PALLD: variants seen among roughly 807,000 people sequenced by gnomAD.
PALLD encodes palladin.
A neutral mutation model predicts 123.5 loss-of-function variants in PALLD; 61 were observed. The ratio of observed to expected loss-of-function variants is 0.49; its 90% CI spans 0.40 to 0.61. PALLD has a LOEUF of 0.61. Among genes scored for constraint, PALLD ranks in the 20% least tolerant of loss-of-function variants. The probability of loss-of-function intolerance (pLI) is 0.00; values close to 1 mark genes in which losing one functional copy is unlikely to be tolerated. For synonymous variants in PALLD, 465 were observed against 496.4 expected, an observed-to-expected ratio of 0.94 and a Z score of 0.84; for missense variants, 1,273 against 1,377.0, an observed-to-expected ratio of 0.92 and a Z score of 1.20.
At chr4:168,525,455 G>C (rs932171911) in intron 2 of PALLD, among the ~76,000 whole-genome samples, 2 of 152,164 alleles carry the variant, frequency 1.3e-5, no homozygotes, top group African/African-American at 4.8e-5. Flanking sequence ...AGTGTATCTA[G>C]GTGTTAGGTG....
At chr4:168,762,679 A>G (rs570698487) in intron 10 of PALLD, among the ~76,000 whole-genome samples, 6 of 152,228 alleles carry the variant, frequency 3.9e-5, no homozygotes, top group African/African-American at 9.6e-5. Context: ...TACTGGGTAT[A>G]TGCTCATTGG....
intron 10 of PALLD, among the ~76,000 whole-genome samples, chr4:168,737,403 A>G (rs567676242): frequency 2.5e-4 from 38 of 152,326 alleles, no homozygotes; most frequent in African/African-American, 8.4e-4. Context: ...TTCCAAGATT[A>G]AGGCACATTA....
intron 4 of PALLD, among the ~76,000 whole-genome samples, chr4:168,682,785 T>TAAG (rs1419276294): frequency 6.6e-6 from 1 of 152,178 alleles, no homozygotes; most frequent in South Asian, 2.1e-4. Context: ...GTACATTCTA[T>TAAG]AAGGTACATG....
intron 10 of PALLD, among the ~76,000 whole-genome samples, chr4:168,753,602 C>A (rs1480514630): frequency 4.6e-5 from 7 of 152,084 alleles, no homozygotes; most frequent in South Asian, 2.1e-4. Flanking sequence ...TGTGTCACTT[C>A]CAAGGCTGGG....
At chr4:168,670,456 G>A (rs191902610) in intron 3 of PALLD, among the ~76,000 whole-genome samples, 3 of 151,864 alleles carry the variant, frequency 2.0e-5, no homozygotes, top group African/African-American at 4.8e-5. Flanking sequence ...GGCGCGGGCC[G>A]GGCGCGGTGG....
chr4:168,573,773 C>T (rs747791159), intron 2 of PALLD, among the ~76,000 whole-genome samples: 15 of 152,036 alleles, frequency 9.9e-5, no homozygotes, highest in African/African-American at 1.4e-4. Context: ...CCCAATTATA[C>T]GAAGCTGCAT....
At chr4:168,728,722 A>G (rs1018506614) in intron 10 of PALLD, among the ~76,000 whole-genome samples, 11 of 151,890 alleles carry the variant, frequency 7.2e-5, no homozygotes, top group Non-Finnish European at 1.5e-5. Context: ...TTATTTTCCC[A>G]TAAGTTATTG....
intron 2 of PALLD, among the ~76,000 whole-genome samples, chr4:168,665,541 C>T (rs1005600008): frequency 9.2e-5 from 14 of 152,028 alleles, no homozygotes; most frequent in Admixed American, 2.0e-4. Context: ...CCAGCCTGGG[C>T]GAGACAGCGA....
At chr4:168,779,484 CAT>C (rs933832432) in intron 10 of PALLD, among the ~76,000 whole-genome samples, 6 of 150,890 alleles carry the variant, frequency 4.0e-5, no homozygotes, top group South Asian at 4.2e-4. Flanking sequence ...ATGTGAACAT[CAT>C]ATATATATAA....
At chr4:168,752,679 T>A (rs753739027) in intron 10 of PALLD, among the ~76,000 whole-genome samples, 4 of 152,216 alleles carry the variant, frequency 2.6e-5, no homozygotes, top group Non-Finnish European at 5.9e-5. Context: ...ATGATCCTGA[T>A]AACTATTCCA....
At chr4:168,732,498 A>G (rs1217695605) in intron 10 of PALLD, among the ~76,000 whole-genome samples, 1 of 152,196 alleles carries the variant, frequency 6.6e-6, no homozygotes, top group South Asian at 2.1e-4. Context: ...GTTTCCTCTT[A>G]GGCAAGAGAA....
chr4:168,742,207 G>A (rs774921850), intron 10 of PALLD, among the ~76,000 whole-genome samples: 4 of 152,216 alleles, frequency 2.6e-5, no homozygotes, highest in Non-Finnish European at 5.9e-5. Context: ...TCACTGGCAA[G>A]TGTTGTCCAT....
At chr4:168,626,714 GAAAAA>G (rs767084915) in intron 2 of PALLD, among the ~76,000 whole-genome samples, 1 of 100,392 alleles carries the variant, frequency 1.0e-5, no homozygotes, top group African/African-American at 3.6e-5. Flanking sequence ...CTGCCTCCAG[GAAAAA>G]AAAAAAAAAA....
chr4:168,740,493 G>GC (rs1455851425), intron 10 of PALLD, among the ~76,000 whole-genome samples: 1 of 151,874 alleles, frequency 6.6e-6, no homozygotes, highest in Admixed American at 6.6e-5. Flanking sequence ...TCATGCTGTG[G>GC]TTTTTTTTCT....
chr4:168,528,206 G>A (rs546711367), intron 2 of PALLD, among the ~76,000 whole-genome samples: 18 of 152,230 alleles, frequency 1.2e-4, no homozygotes, highest in African/African-American at 3.4e-4. Context: ...ATCCAGATAC[G>A]GTGACACAAG....
At chr4:168,731,832 C>CA (rs1464183085) in intron 10 of PALLD, among the ~76,000 whole-genome samples, 4 of 152,042 alleles carry the variant, frequency 2.6e-5, no homozygotes, top group Non-Finnish European at 5.9e-5. Flanking sequence ...AGCTGAATAC[C>CA]AAAAATGAGA....
chr4:168,661,117 C>A (rs903442654), intron 2 of PALLD, among the ~76,000 whole-genome samples: 33 of 152,100 alleles, frequency 2.2e-4, no homozygotes, highest in Non-Finnish European at 3.5e-4. Flanking sequence ...GCTGGCCAGG[C>A]TGGTCTTGCT....
chr4:168,598,761 T>C, intron 2 of PALLD: 1 of 397,596 alleles, frequency 2.5e-6, no homozygotes, highest in Non-Finnish European at 5.2e-6. Context: ...CTAACTTTCT[T>C]GATTCACACT....
intron 2 of PALLD, among the ~76,000 whole-genome samples, chr4:168,551,653 T>A (rs1766739193): frequency 6.6e-6 from 1 of 150,416 alleles, no homozygotes; most frequent in African/African-American, 2.4e-5. Context: ...TGATGTTTCA[T>A]TTTTTTTTAA....
Sources: allele counts gnomAD v4.1 joint callset (sites outside exome capture counted in the v4.1 genomes callset), GRCh38; gene constraint gnomAD v4.1.1; transcripts MANE v1.5; gene names NCBI Gene and HGNC (gene_info 2026-07-23, HGNC 2026-07-21).